Variants in HDAC2 observed in about 807,000 individuals in gnomAD.
HDAC2 encodes the protein histone deacetylase 2.
A neutral mutation model predicts 68.5 loss-of-function variants in HDAC2; 5 were observed. The observed-to-expected ratio is 0.07, with a 90% CI of 0.04 to 0.15. HDAC2 has a LOEUF of 0.15. Ranked by LOEUF, HDAC2 falls within the 10% of genes least tolerant of loss-of-function variation. The pLI is 1.00. For missense variants in HDAC2, 291 were observed against 600.8 expected, an observed-to-expected ratio of 0.48 and a Z score of 5.39; for synonymous variants, 182 against 191.3, an observed-to-expected ratio of 0.95 and a Z score of 0.40.
At chr6:113,962,085 T>TG (rs1776696143) in intron 1 of HDAC2, among the ~76,000 whole-genome samples, 1 of 149,894 alleles carries the variant, frequency 6.7e-6, no homozygotes, top group Non-Finnish European at 1.5e-5. Flanking sequence ...CAAGTGTGTT[T>TG]GAAAAAAAAA....
rs1776052433 is a variant in HDAC2 at position 113,938,373 on chromosome 6, G to A, written c.*2685C>T. ...AAATCTGCCTCCCACTCTGTCTTTT[G>A]TCATTTTTCTTGACTTGTCTTCTAA... is the stretch of plus-strand genomic sequence containing the variant. On this transcript the variant is annotated 3_prime_UTR_variant, in exon 14 of 14. Transcript: ENST00000519065. 6.6e-6 allele frequency: 1 copy of A among 151,772 alleles called. No homozygotes were observed. Among genetic ancestry groups the A allele is most frequent in the South Asian group, 2.1e-4 (1 of 4,820 alleles). 9.4% of individuals were successfully genotyped at this position (151,772 alleles called of 1,614,324 possible).
rs1383788326 is a variant in HDAC2 at position 113,938,960 on chromosome 6, G to C, written c.*2098C>G. On this transcript the variant is annotated 3_prime_UTR_variant, in exon 14 of 14. Transcript: ENST00000519065. ...ACCCAAGGAGATCCAGTATAGTATT[G>C]AAGTGTACAATTTCAGTATGTTCAC... 2 of 151,984 alleles carry C rather than the reference G, an allele frequency of 1.3e-5. No individual in the cohort carries two copies. The highest frequency in any genetic ancestry group is 2.4e-5 in the African/African-American group (1 of 41,282). 9.4% of individuals were successfully genotyped at this position (151,984 alleles called of 1,614,324 possible).
rs756785625 is a variant in HDAC2, at chr6:113,948,968, G to C, written c.841+11C>G. On this transcript the variant is annotated intron_variant, in intron 8 of 13. Transcript: ENST00000519065. ...TTTTTTTCTGGAAATACCACCCTTT[G>C]AATTGCTTACCTTTGACTGTTAGAT... The C allele has an allele frequency of 7.4e-6, 12 of 1,611,388 alleles. No individual in the cohort carries two copies. The Admixed American group carries it at 1.3e-4, about 18-fold the overall frequency.
At chr6:113,965,113 T>A (rs1412616383) in intron 1 of HDAC2, among the ~76,000 whole-genome samples, 3 of 152,236 alleles carry the variant, frequency 2.0e-5, no homozygotes, top group Non-Finnish European at 4.4e-5. Flanking sequence ...TTCAATGGCT[T>A]TCCACCTCTG....
At chr6:113,949,970 A>G (rs907251861) in intron 6 of HDAC2, among the ~76,000 whole-genome samples, 3 of 152,126 alleles carry the variant, frequency 2.0e-5, no homozygotes, top group Non-Finnish European at 4.4e-5. Flanking sequence ...TAGTAGAGAC[A>G]GGGTTTCCTC....
chr6:113,955,354 C>T (rs1033874797), intron 5 of HDAC2, among the ~76,000 whole-genome samples: 7 of 152,070 alleles, frequency 4.6e-5, no homozygotes, highest in African/African-American at 1.7e-4. Flanking sequence ...GCTGGGATTA[C>T]AGGCGCACGC....
chr6:113,965,092 T>C (rs1776780373), intron 1 of HDAC2, among the ~76,000 whole-genome samples: 1 of 152,230 alleles, frequency 6.6e-6, no homozygotes. Context: ...ATGCATTCTA[T>C]TTGAGAAACT....
Position 113,936,240 on chromosome 6 carries a change from A to G in HDAC2, c.*4818T>C, listed in dbSNP as rs1243245797. 3 of 152,146 alleles carry G rather than the reference A, an allele frequency of 2.0e-5. No homozygotes were observed. The highest frequency in any genetic ancestry group is 2.0e-4 in the Admixed American group (3 of 15,276). 9.4% of individuals were successfully genotyped at this position (152,146 alleles called of 1,614,324 possible). On this transcript the variant is annotated 3_prime_UTR_variant, in exon 14 of 14. Transcript: ENST00000519065. ...ATGTTGCTCTGCTTGTTACATGGCC[A>G]CCAAGTGACTATAAGAGAAAACACA...
At chr6:113,941,502 G>A (rs1004294880) in intron 13 of HDAC2, among the ~76,000 whole-genome samples, 2 of 152,016 alleles carry the variant, frequency 1.3e-5, no homozygotes, top group Non-Finnish European at 2.9e-5. Context: ...AATACAAACT[G>A]ACTGATATAG....
intron 12 of HDAC2, among the ~76,000 whole-genome samples, chr6:113,942,532 G>T (rs1303168610): frequency 1.3e-5 from 2 of 151,490 alleles, no homozygotes; most frequent in African/African-American, 4.9e-5. Context: ...ACATACTACA[G>T]GATCAAAATT....
intron 5 of HDAC2, among the ~76,000 whole-genome samples, chr6:113,954,869 T>A (rs1047727358): frequency 6.6e-6 from 1 of 152,140 alleles, no homozygotes; most frequent in Non-Finnish European, 1.5e-5. Flanking sequence ...ATTGCGAACA[T>A]CCAAATTCCT....
In HDAC2 at chr6:113,966,556, C is replaced by CAAA. The variant is rs57345054; in HGVS notation, c.52+4298_52+4300dup. On this transcript the variant is annotated intron_variant, in intron 1 of 13. Coordinates refer to ENST00000519065, the MANE Select transcript of HDAC2 (RefSeq NM_001527.4). ...GGGCAATAAGAGCAAAATTCCATCTCAAAAAAAAAAAAAAAGTATAAGGAA... is the reference window on the plus strand; with the variant it reads ...GGGCAATAAGAGCAAAATTCCATCTCAAAAAAAAAAAAAAAAAAGTATAAGGAA... 8.7e-4 allele frequency among the ~76,000 whole-genome samples: 93 copies of CAAA among 107,352 alleles called. 1 individual carries two copies. The highest frequency in any genetic ancestry group is 2.6e-3 in the African/African-American group (74 of 28,282). The allele number at this position is 107,352 out of a possible 152,430, so 70.4% of individuals were successfully genotyped here.
At chr6:113,942,106 T>C (rs1170923469) in intron 12 of HDAC2, among the ~76,000 whole-genome samples, 1 of 151,924 alleles carries the variant, frequency 6.6e-6, no homozygotes, top group African/African-American at 2.4e-5. Context: ...CATCACCAAA[T>C]AGAGAGTTTA....
At chr6:113,970,573 C>T in intron 1 of HDAC2, 1 of 1,263,130 alleles carries the variant, frequency 7.9e-7, no homozygotes, top group South Asian at 2.8e-5. Flanking sequence ...CGGCGCCGTC[C>T]CCAGCGGCGG....
At chr6:113,941,135 T>C in intron 13 of HDAC2, 47 bp from the exon 14 acceptor site, 1 of 1,465,346 alleles carries the variant, frequency 6.8e-7, no homozygotes, top group East Asian at 2.3e-5. Flanking sequence ...ACAATCTTGG[T>C]TTAAATGCAC....
At position 113,939,311 on chromosome 6, in the gene HDAC2, G is replaced by C. The variant is rs1271698836; in HGVS notation, c.*1747C>G. On this transcript the variant is annotated 3_prime_UTR_variant, in exon 14 of 14. Transcript: ENST00000519065. ...TGGTAGACGGGAGGCATGGTGGGAG[G>C]GGGGCGAGGGATAAAAGATTACAAA... The C allele has an allele frequency of 1.3e-5, 2 of 152,214 alleles. No individual in the cohort carries two copies. Among genetic ancestry groups the C allele is most frequent in the African/African-American group, 2.4e-5 (1 of 41,428 alleles). 9.4% of individuals were successfully genotyped at this position (152,214 alleles called of 1,614,324 possible).
At chr6:113,958,355 G>T in intron 3 of HDAC2, 2 of 211,606 alleles carry the variant, frequency 9.5e-6, no homozygotes, top group Middle Eastern at 1.7e-3. Flanking sequence ...TTTTTGAAGC[G>T]AGGGAGTAAG....
At chr6:113,951,338 C>G (rs546365578) in intron 6 of HDAC2, among the ~76,000 whole-genome samples, 1 of 152,114 alleles carries the variant, frequency 6.6e-6, no homozygotes, top group Non-Finnish European at 1.5e-5. Context: ...CAAAGATACA[C>G]GTGAATTACA....
rs1037037481 is a variant in HDAC2 at position 113,934,097 on chromosome 6, T to C, written c.*6961A>G. ...TTGACTTTAGAATGTCTAATAAGCC[T>C]ATCCTATTCAACAACCAAGAAATAG... On this transcript the variant is annotated 3_prime_UTR_variant, in exon 14 of 14. Transcript: ENST00000519065. The C allele has an allele frequency of 6.6e-6, 1 of 151,938 alleles. No homozygotes were observed. Among genetic ancestry groups the C allele is most frequent in the Admixed American group, 6.5e-5 (1 of 15,274 alleles). The allele number at this position is 151,938 out of a possible 1,614,324, so 9.4% of individuals were successfully genotyped here.
Sources: gnomAD v4.1 joint callset for allele counts (sites outside exome capture counted in the v4.1 genomes callset) on GRCh38, gnomAD v4.1.1 for gene constraint, MANE v1.5 for transcripts, NCBI Gene and HGNC (gene_info 2026-07-23, HGNC 2026-07-21) for gene names.